Variants in CDH4 observed in about 807,000 individuals in gnomAD.
CDH4 encodes cadherin 4.
A neutral mutation model predicts 86.0 loss-of-function variants in CDH4; 33 were observed. The ratio of observed to expected loss-of-function variants is 0.38; its 90% confidence interval spans 0.29 to 0.51. CDH4 has a LOEUF of 0.51. Among genes scored for constraint, CDH4 ranks in the 20% least tolerant of loss-of-function variants. CDH4 has a pLI of 0.86. For missense variants in CDH4, 1,114 were observed against 1,307.4 expected, an observed-to-expected ratio of 0.85 and a Z score of 2.28; for synonymous variants, 555 against 549.4, an observed-to-expected ratio of 1.01 and a Z score of -0.14.
chr20:61,910,814 C>T (rs961188241), intron 9 of CDH4, among the ~76,000 whole-genome samples: 5 of 152,144 alleles, frequency 3.3e-5, no homozygotes, highest in African/African-American at 9.7e-5. Flanking sequence ...GCAGACCCCC[C>T]AAAAATACCC....
rs538845697 is a variant in CDH4, at chr20:61,632,395, G to A, written c.170-111168G>A. ...TGCTTTTCAGCAAAACAGTGTCACC[G>A]ATCCTTCCAACTCACCACCCACAGG... On this transcript the variant is annotated intron_variant, in intron 2 of 15. Coordinates refer to ENST00000614565, the MANE Select transcript of CDH4 (RefSeq NM_001794.5). Among the ~76,000 whole-genome samples the A allele has an allele frequency of 6.6e-5, 10 of 152,214 alleles. No individual in the cohort carries two copies. In the South Asian group the frequency reaches 1.7e-3, roughly 25 times the overall value.
intron 2 of CDH4, among the ~76,000 whole-genome samples, chr20:61,545,767 G>A (rs908653530): frequency 1.3e-5 from 2 of 151,164 alleles, no homozygotes; most frequent in African/African-American, 4.9e-5. Context: ...AGTGTGTGGG[G>A]GTGGGGTGTG....
chr20:61,277,646 C>T (rs1296510965), intron 2 of CDH4, among the ~76,000 whole-genome samples: 1 of 152,230 alleles, frequency 6.6e-6, no homozygotes, highest in African/African-American at 2.4e-5. Flanking sequence ...TTTTATTTTG[C>T]ACCTGTGTAT....
chr20:61,891,951 C>G (rs369715395), intron 7 of CDH4, among the ~76,000 whole-genome samples: 1 of 152,180 alleles, frequency 6.6e-6, no homozygotes, highest in Middle Eastern at 3.2e-3. Context: ...GATATTGGAG[C>G]CCAAGGTCAG....
At chr20:61,636,553 C>T (rs1389230557) in intron 2 of CDH4, among the ~76,000 whole-genome samples, 1 of 152,246 alleles carries the variant, frequency 6.6e-6, no homozygotes, top group Non-Finnish European at 1.5e-5. Flanking sequence ...CTGCCTTTTA[C>T]TTGTCTCTGA....
intron 2 of CDH4, chr20:61,369,826 G>A (rs2084830514): frequency 6.6e-6 from 1 of 152,162 alleles, no homozygotes; most frequent in Non-Finnish European, 1.5e-5. Flanking sequence ...GGCGCCATTT[G>A]AGTCACGAAA....
intron 2 of CDH4, among the ~76,000 whole-genome samples, chr20:61,431,155 G>A (rs181954568): frequency 5.1e-4 from 78 of 152,320 alleles, no homozygotes; most frequent in African/African-American, 1.8e-3. Flanking sequence ...AAGCACGTGG[G>A]TAGAGGATCA....
Position 61,894,934 on chromosome 20 carries a change from G to T in CDH4, c.1075G>T (p.Val359Phe). 1 of 1,613,860 alleles carries T rather than the reference G, an allele frequency of 6.2e-7. No individual in the cohort carries two copies. The highest frequency in any genetic ancestry group is 8.5e-7 in the Non-Finnish European group (1 of 1,179,956). ...GAAAGTTCAGCAGTACACAGTCATC[G>T]TTCAGGCCACAGATATGGAAGGAAA... ...REKVQQYTVIVQATDMEGNLN... is the reference protein window; with the variant it reads ...REKVQQYTVIFQATDMEGNLN... Residue 359 changes from valine (V) to phenylalanine (F), a missense_variant, in exon 8 of 16, where the codon GTT becomes TTT. Transcript: ENST00000614565.
intron 2 of CDH4, among the ~76,000 whole-genome samples, chr20:61,400,153 C>T (rs1379630774): frequency 1.3e-5 from 2 of 152,222 alleles, no homozygotes; most frequent in East Asian, 3.9e-4. Context: ...CTGATGGCAA[C>T]ACAGAGGCCC....
chr20:61,612,692 C>T (rs919827521), intron 2 of CDH4, among the ~76,000 whole-genome samples: 3 of 152,078 alleles, frequency 2.0e-5, no homozygotes, highest in Admixed American at 6.5e-5. Flanking sequence ...GATGTTACAG[C>T]TTAGACTCGA....
intron 11 of CDH4, among the ~76,000 whole-genome samples, chr20:61,925,699 T>G (rs982375523): frequency 6.6e-6 from 1 of 152,170 alleles, no homozygotes; most frequent in Non-Finnish European, 1.5e-5. Context: ...TTGAGGCTTT[T>G]TTTCTCTCAC....
intron 2 of CDH4, among the ~76,000 whole-genome samples, chr20:61,556,733 CA>C (rs1168480235): frequency 1.3e-5 from 2 of 152,254 alleles, no homozygotes; most frequent in East Asian, 3.9e-4. Flanking sequence ...GGAGGTCCCC[CA>C]GTCTTGGTGC....
At chr20:61,305,902 T>C (rs187561244) in intron 2 of CDH4, among the ~76,000 whole-genome samples, 4 of 152,338 alleles carry the variant, frequency 2.6e-5, no homozygotes, top group African/African-American at 9.6e-5. Context: ...CACGGATTGA[T>C]CTGATAGGGG....
chr20:61,484,657 G>C (rs568404563), intron 2 of CDH4, among the ~76,000 whole-genome samples: 2 of 152,190 alleles, frequency 1.3e-5, no homozygotes, highest in South Asian at 2.1e-4. Flanking sequence ...GCAAGGCCTC[G>C]TGGGCACCCT....
intron 2 of CDH4, among the ~76,000 whole-genome samples, chr20:61,265,477 A>G (rs1027627354): frequency 6.7e-6 from 1 of 150,048 alleles, no homozygotes; most frequent in East Asian, 2.0e-4. Context: ...TCTTACACAG[A>G]CCTCAGTGGC....
intron 2 of CDH4, among the ~76,000 whole-genome samples, chr20:61,453,483 G>T (rs1329887032): frequency 6.6e-6 from 1 of 152,118 alleles, no homozygotes; most frequent in Non-Finnish European, 1.5e-5. Flanking sequence ...GGAGGAGGAT[G>T]CTATTACCAC....
intron 2 of CDH4, among the ~76,000 whole-genome samples, chr20:61,428,348 G>C (rs1348349700): frequency 6.6e-6 from 1 of 152,114 alleles, no homozygotes; most frequent in Non-Finnish European, 1.5e-5. Flanking sequence ...TCTACTCATG[G>C]ATGTCTCCCT....
At chr20:61,444,282 T>TCC (rs2085331262) in intron 2 of CDH4, among the ~76,000 whole-genome samples, 1 of 151,352 alleles carries the variant, frequency 6.6e-6, no homozygotes, top group Admixed American at 6.6e-5. Flanking sequence ...TGTATGTGTA[T>TCC]GTATGTGTGG....
chr20:61,775,333 G>A (rs552038300), intron 4 of CDH4, among the ~76,000 whole-genome samples: 3 of 152,024 alleles, frequency 2.0e-5, no homozygotes, highest in East Asian at 1.9e-4. Context: ...GACAGGGAGC[G>A]GGCTTCCATC....
Sources: gnomAD v4.1 joint callset for allele counts (sites outside exome capture counted in the v4.1 genomes callset) on GRCh38, gnomAD v4.1.1 for gene constraint, MANE v1.5 for transcripts, NCBI Gene and HGNC (gene_info 2026-07-23, HGNC 2026-07-21) for gene names.